Variants in FAIM observed in about 807,000 individuals in gnomAD.
The protein encoded by FAIM is fas apoptotic inhibitory molecule 1.
In FAIM, 14 loss-of-function variants were observed where a neutral mutation model predicts 21.2. That is an observed-to-expected ratio of 0.66 (90% CI 0.44 to 1.03). The LOEUF is 1.03. Among genes scored for constraint, FAIM ranks in the 50% least tolerant of loss-of-function variants. The probability of loss-of-function intolerance (pLI) is 0.00; values close to 1 mark genes in which losing one functional copy is unlikely to be tolerated. For missense variants in FAIM, 222 were observed against 247.1 expected (o/e 0.90, Z 0.68); for synonymous variants, 86 against 80.4 (o/e 1.07, Z -0.37).
chr3:138,615,026 A>AT (rs992296956), intron 1 of FAIM, among the ~76,000 whole-genome samples: 1 of 152,134 alleles, frequency 6.6e-6, no homozygotes, highest in Admixed American at 6.5e-5. Context: ...TGAAAATATT[A>AT]TAAGTTGAAA....
intron 1 of FAIM, among the ~76,000 whole-genome samples, chr3:138,616,567 C>G (rs184317671): frequency 1.8e-4 from 27 of 152,138 alleles, no homozygotes; most frequent in African/African-American, 6.0e-4. Flanking sequence ...CTCTGTTGAC[C>G]AGGCTGGTCT....
chr3:138,617,765 A>G (rs1455507973), intron 1 of FAIM, among the ~76,000 whole-genome samples: 1 of 144,842 alleles, frequency 6.9e-6, no homozygotes, highest in Non-Finnish European at 1.5e-5. Flanking sequence ...GTATGTATAT[A>G]GTATCTACTA....
At chr3:138,609,569 T>C (rs1369821718) in intron 1 of FAIM, among the ~76,000 whole-genome samples, 83 of 92,128 alleles carry the variant, frequency 9.0e-4, no homozygotes, top group Admixed American at 3.4e-3. Context: ...TCTCTCTCTC[T>C]CTCTCTCGAC....
At chr3:138,619,570 T>G (rs1343964807) in intron 1 of FAIM, 141 bp from the exon 2 acceptor site, 1 of 669,370 alleles carries the variant, frequency 1.5e-6, no homozygotes, top group African/African-American at 1.9e-5. Context: ...ATGTAGAAGC[T>G]GTTTCATCTG....
chr3:138,616,757 T>C (rs61662147), intron 1 of FAIM, among the ~76,000 whole-genome samples: 6,193 of 152,240 alleles, frequency 0.041, 457 homozygotes, highest in East Asian at 0.37. Context: ...AACAAGAAAA[T>C]TGAAATATTA....
intron 4 of FAIM, among the ~76,000 whole-genome samples, chr3:138,626,374 C>T (rs890302616): frequency 1.3e-5 from 2 of 152,276 alleles, no homozygotes; most frequent in Non-Finnish European, 2.9e-5. Flanking sequence ...CTGCCATGTT[C>T]CCCCATCAAG....
At chr3:138,627,194 T>C (rs1413011047) in intron 4 of FAIM, among the ~76,000 whole-genome samples, 3 of 151,890 alleles carry the variant, frequency 2.0e-5, no homozygotes, top group African/African-American at 4.8e-5. Context: ...TTTTTTTTTT[T>C]TTCCCAAGAC....
At chr3:138,612,051 G>T (rs2042774334) in intron 1 of FAIM, among the ~76,000 whole-genome samples, 2 of 151,204 alleles carry the variant, frequency 1.3e-5, no homozygotes, top group South Asian at 2.1e-4. Context: ...CCTTTTCTGG[G>T]TATTTTATAT....
intron 4 of FAIM, among the ~76,000 whole-genome samples, chr3:138,624,329 AAG>A (rs2042917406): frequency 6.6e-6 from 1 of 152,218 alleles, no homozygotes; most frequent in Non-Finnish European, 1.5e-5. Context: ...GGTGAAATGG[AAG>A]AGACTGCCTG....
Position 138,622,289 on chromosome 3 carries a change from T to C in FAIM, c.279T>C (p.Ser93=). Reference sequence around the variant, plus strand: ...CGACCATAAATATAGACGCTATCAGTGGTTTTGCTTATGAATATACTCTGG... The same window carrying C: ...CGACCATAAATATAGACGCTATCAGCGGTTTTGCTTATGAATATACTCTGG... ...TKATINIDAI[S]GFAYEYTLEI... Residue 93 remains serine, a synonymous_variant, in exon 4 of 6, where the codon AGT becomes AGC. Coordinates refer to ENST00000360570, the MANE Select transcript of FAIM (RefSeq NM_001033031.2). 1 of 1,613,996 alleles carries C rather than the reference T, an allele frequency of 6.2e-7. No individual in the cohort carries two copies. Among genetic ancestry groups the C allele is most frequent in the Non-Finnish European group, 8.5e-7 (1 of 1,179,968 alleles).
At chr3:138,628,808 T>C (rs928266636) in intron 4 of FAIM, among the ~76,000 whole-genome samples, 1 of 152,226 alleles carries the variant, frequency 6.6e-6, no homozygotes. Context: ...TTAAAGATTG[T>C]CCTTTTGGAT....
At chr3:138,617,270 G>A (rs1338480470) in intron 1 of FAIM, among the ~76,000 whole-genome samples, 1 of 151,188 alleles carries the variant, frequency 6.6e-6, no homozygotes, top group East Asian at 1.9e-4. Context: ...TAGAGTCTCT[G>A]AAAATTGAAG....
chr3:138,619,759 A>G lies in FAIM; in HGVS notation c.33A>G (p.Glu11=), dbSNP rs1448468078. 1 of 1,613,610 alleles carries G rather than the reference A, an allele frequency of 6.2e-7. No homozygotes were observed. The highest frequency in any genetic ancestry group is 2.2e-5 in the East Asian group (1 of 44,850). Residue 11 remains glutamate (E), a synonymous_variant, in exon 2 of 6, where the codon GAA becomes GAG. Transcript: ENST00000360570. Reference sequence around the variant, plus strand: ...CTGGAGATGACAGTCCTATCTTTGAAGATGATGAAAGGTAAATGTCTTATA... The same window carrying G: ...CTGGAGATGACAGTCCTATCTTTGAGGATGATGAAAGGTAAATGTCTTATA... The part of the protein sequence containing the change: MASGDDSPIF[E]DDESPPYSLE...
rs1364046982 is a variant in FAIM, at chr3:138,621,470, C to T, written c.108C>T (p.Asp36=). Residue 36 remains aspartate, a synonymous_variant, in exon 3 of 6, where the codon GAC becomes GAT. Coordinates refer to ENST00000360570, the MANE Select transcript of FAIM (RefSeq NM_001033031.2). ...LVAVWDVALS[D]GVHKIEFEHG... Reference sequence around the variant, plus strand: ...CTGTTTGGGATGTTGCTTTAAGTGACGGAGTCCACAAGATCGAATTTGAAC... The same window carrying T: ...CTGTTTGGGATGTTGCTTTAAGTGATGGAGTCCACAAGATCGAATTTGAAC... 51 of 1,613,672 alleles carry T rather than the reference C, an allele frequency of 3.2e-5. No individual in the cohort carries two copies. The East Asian group carries it at 5.6e-4, about 18-fold the overall frequency.
chr3:138,632,070 C>T (rs1478843363), intron 5 of FAIM, among the ~76,000 whole-genome samples: 2 of 151,722 alleles, frequency 1.3e-5, no homozygotes, highest in Non-Finnish European at 2.9e-5. Flanking sequence ...TAAGCCTCTT[C>T]TTTCTTCCTT....
In FAIM at chr3:138,632,398, G is replaced by A. The variant is rs2043015388; in HGVS notation, c.457-532G>A. On this transcript the variant is annotated intron_variant, in intron 5 of 5. Coordinates refer to ENST00000360570, the MANE Select transcript of FAIM (RefSeq NM_001033031.2). The stretch of plus-strand genomic sequence containing the variant: ...ACTAGTCAATTTGAAGTGCCCAATA[G>A]CCACATGTGGCCAGTGGCTACTGTA... Among the ~76,000 whole-genome samples the A allele has an allele frequency of 2.6e-5, 4 of 151,912 alleles. No homozygotes were observed. In the South Asian group the frequency reaches 6.2e-4, roughly 24 times the overall value.
At chr3:138,621,781 CT>C (rs898247763) in intron 3 of FAIM, among the ~76,000 whole-genome samples, 17 of 149,848 alleles carry the variant, frequency 1.1e-4, no homozygotes, top group African/African-American at 2.2e-4. Flanking sequence ...AAAATTACAT[CT>C]TTTTTTTTTC....
At chr3:138,630,167 T>C (rs575712017) in intron 5 of FAIM, 1 of 152,258 alleles carries the variant, frequency 6.6e-6, no homozygotes, top group Non-Finnish European at 1.5e-5. Context: ...TAGTTGCTTT[T>C]ATCTCATTTG....
At chr3:138,611,337 T>C (rs999942299) in intron 1 of FAIM, among the ~76,000 whole-genome samples, 4 of 152,156 alleles carry the variant, frequency 2.6e-5, no homozygotes, top group Middle Eastern at 3.4e-3. Flanking sequence ...AATTCACCCA[T>C]TTAAAGTATA....
Sources: gnomAD v4.1 joint callset for allele counts (sites outside exome capture counted in the v4.1 genomes callset) on GRCh38, gnomAD v4.1.1 for gene constraint, MANE v1.5 for transcripts, NCBI Gene and HGNC (gene_info 2026-07-23, HGNC 2026-07-21) for gene names.